Variants in CNR2 observed in about 807,000 individuals in gnomAD.
CNR2 encodes the protein cannabinoid receptor 2 (macrophage).
For synonymous variants in CNR2, 172 were observed against 182.2 expected, an observed-to-expected ratio of 0.94 and a Z score of 0.45; for missense variants, 379 against 439.9, an observed-to-expected ratio of 0.86 and a Z score of 1.24.
Position 23,874,650 on chromosome 1 carries a change from C to G in CNR2, c.968G>C (p.Gly323Ala), listed in dbSNP as rs962859442. ...CLAHWKKCVR[G>A]LGSEAKEEAP... ...TTCTTCTTTTGCCTCTGACCCAAGG[C>G]CCCTCACACACTTCTTCCAGTGAGC... The change falls in exon 2 of 2, where the codon GGC becomes GCC. Residue 323 changes from glycine (G) to alanine (A), a missense_variant. Physicochemically the swap from Gly to Ala is moderately conservative, Grantham distance 60. Coordinates refer to ENST00000374472, the MANE Select transcript of CNR2 (RefSeq NM_001841.3). 1 of 1,614,168 alleles carries G rather than the reference C, an allele frequency of 6.2e-7. No homozygotes were observed. The highest frequency in any genetic ancestry group is 8.5e-7 in the Non-Finnish European group (1 of 1,180,022).
rs181956876 is a variant in CNR2 at position 23,893,230 on chromosome 1, C to A, written c.-45-17568G>T. Among the ~76,000 whole-genome samples the A allele has an allele frequency of 9.9e-5, 15 of 152,284 alleles. No homozygotes were observed. The East Asian group carries it at 2.3e-3, about 23-fold the overall frequency. On this transcript the variant is annotated intron_variant, in intron 1 of 1. Transcript: ENST00000374472. ...TCTGGATTCACTCAGTCTCCCCAGA[C>A]CTTTCCTGGACCTTCCTTCTGCATC...
At chr1:23,903,018 C>T (rs1254608749) in intron 1 of CNR2, among the ~76,000 whole-genome samples, 1 of 151,756 alleles carries the variant, frequency 6.6e-6, no homozygotes, top group East Asian at 1.9e-4. Flanking sequence ...CAAGCAAAAG[C>T]AGGGAGGTCG....
In CNR2 at chr1:23,875,215, G is replaced by A. The variant is rs755418976; in HGVS notation, c.403C>T (p.Leu135=). ...LLTAIDRYLC[L]RYPPSYKALL... ...GCTTTGTAGGAAGGTGGATAGCGCA[G>A]GCAGAGGTATCGGTCAATGGCGGTC... The change falls in exon 2 of 2, where the codon CTG becomes TTG. Residue 135 remains leucine (L), a synonymous_variant. Transcript: ENST00000374472. The A allele has an allele frequency of 6.2e-7, 1 of 1,614,166 alleles. No individual in the cohort carries two copies. The highest frequency in any genetic ancestry group is 8.5e-7 in the Non-Finnish European group (1 of 1,180,024).
At chr1:23,896,300 A>G (rs1458370233) in intron 1 of CNR2, among the ~76,000 whole-genome samples, 1 of 152,202 alleles carries the variant, frequency 6.6e-6, no homozygotes, top group Non-Finnish European at 1.5e-5. Flanking sequence ...TCTGCCAAGT[A>G]CTATTAGCTT....
At chr1:23,904,113 C>T (rs930120596) in intron 1 of CNR2, among the ~76,000 whole-genome samples, 1 of 151,980 alleles carries the variant, frequency 6.6e-6, no homozygotes, top group Non-Finnish European at 1.5e-5. Context: ...CTTTGCCCCA[C>T]TAGGGAGCTC....
intron 1 of CNR2, among the ~76,000 whole-genome samples, chr1:23,890,790 C>CG (rs1640177456): frequency 6.7e-6 from 1 of 150,292 alleles, no homozygotes; most frequent in African/African-American, 2.4e-5. Flanking sequence ...TCTTGACCTG[C>CG]TGCCCAGCTG....
chr1:23,874,330 C>G lies in CNR2; in HGVS notation c.*205G>C, dbSNP rs1639823024. ...TCGCCTACCTGGCTACTCCTCGTGG[C>G]CCTACCTATCCAACAGACTGTGTGC... On this transcript the variant is annotated 3_prime_UTR_variant, in exon 2 of 2. Transcript: ENST00000374472. The G allele has an allele frequency of 1.7e-6, 1 of 578,652 alleles. No individual in the cohort carries two copies. Among genetic ancestry groups the G allele is most frequent in the South Asian group, 2.2e-5 (1 of 45,592 alleles). 35.8% of individuals were successfully genotyped at this position (578,652 alleles called of 1,614,324 possible). A position where few individuals can be genotyped will look rare whatever the true frequency, so the allele number is the denominator to read the frequency against.
chr1:23,902,430 G>A (rs1006611255), intron 1 of CNR2: 6 of 1,589,256 alleles, frequency 3.8e-6, no homozygotes, highest in African/African-American at 2.7e-5. Flanking sequence ...TGCCAATGCT[G>A]GGACGATGTA....
intron 1 of CNR2, among the ~76,000 whole-genome samples, chr1:23,906,773 T>A (rs1308282372): frequency 2.6e-5 from 4 of 152,068 alleles, no homozygotes; most frequent in Non-Finnish European, 4.4e-5. Flanking sequence ...GTGCCTGTAG[T>A]CTCAGCTACT....
At chr1:23,900,866 T>A (rs7528055) in intron 1 of CNR2, among the ~76,000 whole-genome samples, 150,272 of 152,088 alleles carry the variant, frequency 0.99, 74,265 homozygotes, top group East Asian at 1. Context: ...CGTTTCCAGC[T>A]ACCAACCAAA....
In CNR2 at chr1:23,875,538, A is replaced by G; in HGVS notation, c.80T>C (p.Ile27Thr). Residue 27 changes from isoleucine to threonine, a missense_variant, in exon 2 of 2, where the codon ATC becomes ACC. Ile to Thr is a moderately conservative substitution (Grantham distance 89). Coordinates refer to ENST00000374472, the MANE Select transcript of CNR2 (RefSeq NM_001841.3). ...AGCTGTCTTCTGGGGACCACTCAGG[A>G]TCATGTAATCCTTCATAGGGTTGGA... ...LDSNPMKDYMILSGPQKTAVA... is the reference protein window; with the variant it reads ...LDSNPMKDYMTLSGPQKTAVA... 6.2e-7 allele frequency: 1 copy of G among 1,614,094 alleles called. No homozygotes were observed. Among genetic ancestry groups the G allele is most frequent in the Non-Finnish European group, 8.5e-7 (1 of 1,180,036 alleles).
chr1:23,876,700 T>C (rs2148457098), intron 1 of CNR2, among the ~76,000 whole-genome samples: 1 of 151,988 alleles, frequency 6.6e-6, no homozygotes, highest in Non-Finnish European at 1.5e-5. Flanking sequence ...CTGGGCGTGA[T>C]GGCACGTGCC....
chr1:23,880,260 C>A (rs929611706), intron 1 of CNR2, among the ~76,000 whole-genome samples: 1 of 151,116 alleles, frequency 6.6e-6, no homozygotes, highest in African/African-American at 2.4e-5. Context: ...TCACTGCAAC[C>A]TCCGCCTCCC....
At chr1:23,878,869 C>A (rs2148458377) in intron 1 of CNR2, among the ~76,000 whole-genome samples, 1 of 152,218 alleles carries the variant, frequency 6.6e-6, no homozygotes. Flanking sequence ...AAAGAAAAAA[C>A]TGTCAGTCTA....
At chr1:23,890,835 T>C (rs1251146946) in intron 1 of CNR2, among the ~76,000 whole-genome samples, 2 of 150,654 alleles carry the variant, frequency 1.3e-5, no homozygotes, top group East Asian at 3.9e-4. Flanking sequence ...GCCATGGGGC[T>C]TTCCTTCCAC....
chr1:23,898,335 C>CCA (rs1230917304), intron 1 of CNR2, among the ~76,000 whole-genome samples: 20 of 108,134 alleles, frequency 1.8e-4, no homozygotes, highest in Admixed American at 3.1e-4. Flanking sequence ...CCGCGCCCGG[C>CCA]TTTTTTTTTT....
chr1:23,884,974 G>A (rs2148462003), intron 1 of CNR2, among the ~76,000 whole-genome samples: 1 of 152,150 alleles, frequency 6.6e-6, no homozygotes, highest in Non-Finnish European at 1.5e-5. Flanking sequence ...CTAATTTTTT[G>A]TGTTTTTAGT....
Position 23,875,235 on chromosome 1 carries a change from G to A in CNR2, c.383C>T (p.Ala128Val), listed in dbSNP as rs1639850912. The A allele has an allele frequency of 6.2e-7, 1 of 1,614,034 alleles. No homozygotes were observed. Among genetic ancestry groups the A allele is most frequent in the Non-Finnish European group, 8.5e-7 (1 of 1,180,034 alleles). Residue 128 changes from alanine to valine, a missense_variant, in exon 2 of 2, where the codon GCC becomes GTC. Transcript: ENST00000374472. ...GCGCAGGCAGAGGTATCGGTCAATG[G>A]CGGTCAGCAGGAGGCTACCCACAGA... The part of the protein sequence containing the change: ...TASVGSLLLT[A>V]IDRYLCLRYP...
intron 1 of CNR2, chr1:23,901,919 CT>C (rs1640406458): frequency 1.2e-6 from 2 of 1,603,728 alleles, no homozygotes; most frequent in Non-Finnish European, 1.7e-6. Context: ...TAGGTGGCAC[CT>C]CTGCGGGGTG....
Sources: gnomAD v4.1 joint callset for allele counts (sites outside exome capture counted in the v4.1 genomes callset) on GRCh38, gnomAD v4.1.1 for gene constraint, MANE v1.5 for transcripts, NCBI Gene and HGNC (gene_info 2026-07-23, HGNC 2026-07-21) for gene names.